LRP8: variants seen among roughly 807,000 people sequenced by gnomAD.
The protein encoded by LRP8 is LDL receptor related protein 8.
A neutral mutation model predicts 111.6 loss-of-function variants in LRP8; 46 were observed. The ratio of observed to expected loss-of-function variants is 0.41; its 90% confidence interval spans 0.33 to 0.53. The LOEUF is 0.53. LRP8 is among the 20% of genes least tolerant of loss of function. The pLI is 0.20. For missense variants in LRP8, 959 were observed against 1,297.4 expected (o/e 0.74, Z 4.01); for synonymous variants, 464 against 511.2 (o/e 0.91, Z 1.24).
chr1:53,274,579 A>G lies in LRP8; in HGVS notation c.1006+1052T>C, dbSNP rs1646859150. On this transcript the variant is annotated intron_variant, in intron 6 of 18. Transcript: ENST00000306052. The stretch of plus-strand genomic sequence containing the variant: ...AAGCCATAGGACGGCACATGAATCC[A>G]AAGAGAGGGTCAGAGCAGAAAGTGT... 7.3e-6 allele frequency: 3 copies of G among 409,662 alleles called. No homozygotes were observed. In the East Asian group the frequency reaches 2.1e-4, roughly 29 times the overall value. The allele number at this position is 409,662 out of a possible 1,614,324, so 25.4% of individuals were successfully genotyped here.
rs1645853397 is a variant in LRP8, at chr1:53,250,320, A to G, written c.2676+370T>C. Among the ~76,000 whole-genome samples, 1 of 152,324 alleles carries G rather than the reference A, an allele frequency of 6.6e-6. No individual in the cohort carries two copies. Among genetic ancestry groups the G allele is most frequent in the South Asian group, 2.1e-4 (1 of 4,830 alleles). On this transcript the variant is annotated intron_variant, in intron 17 of 18. Transcript: ENST00000306052. This position sits in a 1 kb window ranked among gnomAD's most constrained non-coding sequence, Gnocchi z 4.6. ...GAAAATTTACTGAGCAGAAAGAGAG[A>G]CATTTGGCTTTTTTTACTGCCAGGA... is the stretch of plus-strand genomic sequence containing the variant.
intron 15 of LRP8, 59 bp downstream of exon 15, chr1:53,257,181 T>A: frequency 6.5e-7 from 1 of 1,530,250 alleles, no homozygotes; most frequent in Non-Finnish European, 9.0e-7. Context: ...CATACCCCCT[T>A]CCTGGCTTCC....
Position 53,250,737 on chromosome 1 carries a change from C to G in LRP8, c.2629G>C (p.Glu877Gln). Residue 877 changes from glutamate to glutamine, a missense_variant, in exon 17 of 19, where the codon GAG (glutamate) becomes CAG (glutamine). By Grantham distance (29) the Glu-to-Gln change is conservative (BLOSUM62 2). This residue lies in a region of LRP8 where 819 missense variants were observed against 1,097.6 expected (regional missense o/e 0.75). Transcript: ENST00000306052. This position sits in a 1 kb window ranked among gnomAD's most constrained non-coding sequence, Gnocchi z 4.6. ...TGAGCAGTTCTCCCTATATGGAGCT[C>G]ATCTTCGTCTTCTTCTTCTGTTGTT... Reference protein sequence around the residue: ...RKTTEEEDEDELHIGRTAQIG... With the variant: ...RKTTEEEDEDQLHIGRTAQIG... The G allele has an allele frequency of 6.2e-7, 1 of 1,613,942 alleles. No individual in the cohort carries two copies. Among genetic ancestry groups the G allele is most frequent in the Non-Finnish European group, 8.5e-7 (1 of 1,179,838 alleles).
chr1:53,308,649 TG>T (rs1652443293), intron 2 of LRP8, among the ~76,000 whole-genome samples: 1 of 152,206 alleles, frequency 6.6e-6, no homozygotes, highest in Admixed American at 6.5e-5. Flanking sequence ...GGACCTTGCC[TG>T]CTGATTCCCT....
intron 3 of LRP8, among the ~76,000 whole-genome samples, chr1:53,286,580 G>T (rs1300650791): frequency 6.7e-6 from 1 of 149,778 alleles, no homozygotes. Context: ...AAATGCTATT[G>T]CCATTAGGCA....
chr1:53,302,557 G>A (rs1342528594), intron 2 of LRP8, among the ~76,000 whole-genome samples: 4 of 152,084 alleles, frequency 2.6e-5, no homozygotes, highest in Non-Finnish European at 5.9e-5. Flanking sequence ...TACACCCAGG[G>A]TTTTTGTTCC....
chr1:53,256,486 G>A (rs1646092681), intron 15 of LRP8, among the ~76,000 whole-genome samples: 1 of 152,242 alleles, frequency 6.6e-6, no homozygotes, highest in African/African-American at 2.4e-5. Flanking sequence ...TTCGGAGTAA[G>A]TGCTCCACTC....
intron 8 of LRP8, chr1:53,268,386 A>G (rs1646652230): frequency 6.6e-6 from 1 of 152,216 alleles, no homozygotes; most frequent in Non-Finnish European, 1.5e-5. Flanking sequence ...GGGTAGTTGC[A>G]TGTTGTCTCC....
intron 3 of LRP8, among the ~76,000 whole-genome samples, chr1:53,287,124 T>C (rs1234016434): frequency 6.6e-6 from 1 of 152,230 alleles, no homozygotes; most frequent in Non-Finnish European, 1.5e-5. Flanking sequence ...GGAGCTGGCA[T>C]AGCCCCAGGA....
At chr1:53,272,523 A>G (rs1224814461) in intron 6 of LRP8, 1 of 1,239,618 alleles carries the variant, frequency 8.1e-7, no homozygotes, top group Non-Finnish European at 1.1e-6. Flanking sequence ...AGCTGGTCTG[A>G]GCTGCCCACC....
chr1:53,265,208 CA>C (rs1388512782), intron 9 of LRP8, among the ~76,000 whole-genome samples: 1 of 152,186 alleles, frequency 6.6e-6, no homozygotes, highest in Non-Finnish European at 1.5e-5. Context: ...GCTGTTTCCC[CA>C]GAGGTTTTCT....
intron 2 of LRP8, among the ~76,000 whole-genome samples, chr1:53,310,098 G>T (rs1288485): frequency 1.3e-5 from 2 of 151,790 alleles, no homozygotes; most frequent in African/African-American, 4.8e-5. Flanking sequence ...GGACAGGAAG[G>T]GCTCTGGGCC....
Position 53,266,576 on chromosome 1 carries a change from A to G in LRP8, c.1324T>C (p.Tyr442His). Residue 442 changes from tyrosine (Y) to histidine (H), a missense_variant, in exon 9 of 19, where the codon TAT (tyrosine) becomes CAT (histidine). By Grantham distance (83) the Tyr-to-His change is moderately conservative. Around this residue, in one of 3 missense-constraint regions of LRP8, gnomAD observed 819 missense variants for 1,097.6 expected, o/e 0.75. Transcript: ENST00000306052. The surrounding 1 kb of genome is among the most constrained non-coding windows in gnomAD (Gnocchi z 5.0). ...TTGAGCATGGGGATGAGGCGTGAAT[A>G]GTTCCGCTTCACCAGGTCGATCCTC... ...VRRIDLVKRN[Y>H]SRLIPMLKNV... is the part of the protein sequence containing the mutation. The G allele has an allele frequency of 6.2e-7, 1 of 1,614,138 alleles. No individual in the cohort carries two copies. The highest frequency in any genetic ancestry group is 1.6e-4 in the Middle Eastern group (1 of 6,062).
At chr1:53,321,346 C>T (rs1043148464) in intron 2 of LRP8, among the ~76,000 whole-genome samples, 8 of 152,118 alleles carry the variant, frequency 5.3e-5, no homozygotes, top group East Asian at 1.9e-4. Flanking sequence ...GTGCTACCAA[C>T]GTTACTTAGG....
intron 3 of LRP8, among the ~76,000 whole-genome samples, chr1:53,281,693 A>AT (rs1647115911): frequency 6.6e-6 from 1 of 152,210 alleles, no homozygotes; most frequent in African/African-American, 2.4e-5. Context: ...CTCACTGACT[A>AT]TGTGACCTTG....
Position 53,293,772 on chromosome 1 carries a change from T to C in LRP8, c.245-4083A>G, listed in dbSNP as rs1649203963. ...GGGTGGGGACTAGACTAAAGCACGC[T>C]GGAGGGCCCCATTGGAAGTGTGACC... On this transcript the variant is annotated intron_variant, in intron 2 of 18. Coordinates refer to ENST00000306052, the MANE Select transcript of LRP8 (RefSeq NM_004631.5). This position sits in a 1 kb window ranked among gnomAD's most constrained non-coding sequence, Gnocchi z 4.9. 6.6e-6 allele frequency among the ~76,000 whole-genome samples: 1 copy of C among 152,126 alleles called. No homozygotes were observed. Among genetic ancestry groups the C allele is most frequent in the Non-Finnish European group, 1.5e-5 (1 of 68,016 alleles).
rs2100338577 is a variant in LRP8 at position 53,250,321 on chromosome 1, C to T, written c.2676+369G>A. Among the ~76,000 whole-genome samples, 1 of 152,292 alleles carries T rather than the reference C, an allele frequency of 6.6e-6. No homozygotes were observed. The highest frequency in any genetic ancestry group is 2.1e-4 in the South Asian group (1 of 4,822). The stretch of plus-strand genomic sequence containing the variant: ...AAAATTTACTGAGCAGAAAGAGAGA[C>T]ATTTGGCTTTTTTTACTGCCAGGAA... On this transcript the variant is annotated intron_variant, in intron 17 of 18. Coordinates refer to ENST00000306052, the MANE Select transcript of LRP8 (RefSeq NM_004631.5). The surrounding 1 kb of genome is among the most constrained non-coding windows in gnomAD (Gnocchi z 4.6).
chr1:53,319,940 A>G (rs1654284841), intron 2 of LRP8, among the ~76,000 whole-genome samples: 1 of 152,252 alleles, frequency 6.6e-6, no homozygotes, highest in African/African-American at 2.4e-5. Flanking sequence ...GTGTGAATGC[A>G]TATCTCCTTT....
intron 15 of LRP8, among the ~76,000 whole-genome samples, chr1:53,256,086 T>C (rs1438360778): frequency 6.6e-6 from 1 of 152,244 alleles, no homozygotes; most frequent in Non-Finnish European, 1.5e-5. Context: ...CATTGTAACA[T>C]TTGTGAAGCA....
Sources: allele counts gnomAD v4.1 joint callset (sites outside exome capture counted in the v4.1 genomes callset), GRCh38; gene constraint gnomAD v4.1.1; regional missense constraint gnomAD v4.1.1; non-coding constraint Gnocchi (gnomAD v3.1); transcripts MANE v1.5; gene names NCBI Gene and HGNC (gene_info 2026-07-23, HGNC 2026-07-21).